The following CTNNA3 variants were observed in gnomAD, a reference collection of about 807,000 sequenced individuals.
CTNNA3 encodes catenin alpha-3.
In CTNNA3, 76 loss-of-function variants were observed where a neutral mutation model predicts 95.7. That is an observed-to-expected ratio of 0.79 (90% CI 0.66 to 0.96). CTNNA3 has a LOEUF of 0.96. CTNNA3 is among the 40% of genes least tolerant of loss of function. The probability of loss-of-function intolerance (pLI) is 0.00; values close to 1 mark genes in which losing one functional copy is unlikely to be tolerated. For synonymous variants in CTNNA3, 431 were observed against 374.4 expected, an observed-to-expected ratio of 1.15 and a Z score of -1.74; for missense variants, 1,191 against 1,089.8, an observed-to-expected ratio of 1.09 and a Z score of -1.31.
chr10:66,521,865 G>T (rs7918868), intron 10 of CTNNA3, among the ~76,000 whole-genome samples: 1,594 of 152,232 alleles, frequency 0.01, 29 homozygotes, highest in African/African-American at 0.036. Flanking sequence ...ATTCTTCAAA[G>T]AAGCAATTCA....
At chr10:67,277,115 T>C (rs1270445221) in intron 5 of CTNNA3, among the ~76,000 whole-genome samples, 2 of 152,174 alleles carry the variant, frequency 1.3e-5, no homozygotes, top group Non-Finnish European at 2.9e-5. Context: ...TGGCAATTCA[T>C]ATAATTAAGA....
At chr10:67,342,195 G>A (rs371524581) in intron 5 of CTNNA3, among the ~76,000 whole-genome samples, 2 of 138,972 alleles carry the variant, frequency 1.4e-5, no homozygotes, top group Admixed American at 8.0e-5. Flanking sequence ...TCCGCCTCCC[G>A]GGTTCATGCC....
intron 12 of CTNNA3, among the ~76,000 whole-genome samples, chr10:66,318,790 T>C (rs991272893): frequency 8.5e-5 from 13 of 152,120 alleles, no homozygotes; most frequent in African/African-American, 3.1e-4. Context: ...TGTCCCTAGA[T>C]ATTTGGTAAA....
chr10:66,591,760 C>T (rs1382889000), intron 10 of CTNNA3, among the ~76,000 whole-genome samples: 2 of 152,022 alleles, frequency 1.3e-5, no homozygotes, highest in Non-Finnish European at 2.9e-5. Flanking sequence ...TTGCTCTATA[C>T]TTTGTTAAAA....
intron 5 of CTNNA3, among the ~76,000 whole-genome samples, chr10:67,313,109 G>T (rs2448547): frequency 0.86 from 131,045 of 152,020 alleles, 58,013 homozygotes; most frequent in Non-Finnish European, 0.96. Context: ...AAATTACCAC[G>T]GCTAAACTAC....
chr10:66,704,112 T>A (rs1848041751), intron 9 of CTNNA3, among the ~76,000 whole-genome samples: 1 of 152,172 alleles, frequency 6.6e-6, no homozygotes, highest in Non-Finnish European at 1.5e-5. Context: ...ACTATTTAAA[T>A]ACACAATCAA....
At chr10:67,192,619 G>A (rs745888912) in intron 6 of CTNNA3, among the ~76,000 whole-genome samples, 3 of 151,930 alleles carry the variant, frequency 2.0e-5, no homozygotes, top group Non-Finnish European at 2.9e-5. Context: ...TTGAGACGAT[G>A]TGGAGAAAAG....
intron 6 of CTNNA3, among the ~76,000 whole-genome samples, chr10:67,192,365 T>C (rs1175548089): frequency 6.6e-6 from 1 of 151,598 alleles, no homozygotes; most frequent in Admixed American, 6.6e-5. Flanking sequence ...CAATAAGGAG[T>C]TAATATCTAA....
At chr10:66,227,285 T>G (rs966319584) in intron 13 of CTNNA3, among the ~76,000 whole-genome samples, 3 of 152,142 alleles carry the variant, frequency 2.0e-5, no homozygotes, top group African/African-American at 7.2e-5. Flanking sequence ...AAGCTTTCAG[T>G]TTTCTCCATT....
chr10:67,048,836 T>A (rs1854909963), intron 7 of CTNNA3, among the ~76,000 whole-genome samples: 1 of 152,106 alleles, frequency 6.6e-6, no homozygotes, highest in African/African-American at 2.4e-5. Flanking sequence ...GTCTCACCGT[T>A]CCCAGCTCAT....
chr10:67,052,146 A>AT (rs1207604981), intron 7 of CTNNA3, among the ~76,000 whole-genome samples: 1 of 152,138 alleles, frequency 6.6e-6, no homozygotes, highest in East Asian at 1.9e-4. Context: ...AGTTACAAGC[A>AT]TTGAGTTTTC....
chr10:66,203,148 A>T (rs1266486548), intron 13 of CTNNA3, among the ~76,000 whole-genome samples: 1 of 152,176 alleles, frequency 6.6e-6, no homozygotes, highest in African/African-American at 2.4e-5. Context: ...AGATCCAACC[A>T]TTAATGAGAA....
chr10:66,151,299 G>A (rs1443855127), intron 13 of CTNNA3, among the ~76,000 whole-genome samples: 1 of 151,886 alleles, frequency 6.6e-6, no homozygotes, highest in Non-Finnish European at 1.5e-5. Flanking sequence ...ATAAGATAAA[G>A]TTTTCACGAA....
chr10:65,930,072 G>A (rs1054710157), intron 17 of CTNNA3, among the ~76,000 whole-genome samples: 4 of 151,706 alleles, frequency 2.6e-5, no homozygotes, highest in African/African-American at 9.7e-5. Context: ...GTGTGCACAT[G>A]CATGTGCACA....
At chr10:67,040,570 A>G (rs1854329732) in intron 7 of CTNNA3, among the ~76,000 whole-genome samples, 1 of 152,092 alleles carries the variant, frequency 6.6e-6, no homozygotes, top group South Asian at 2.1e-4. Flanking sequence ...TTCTGAAAAT[A>G]TAAGATGGAA....
At chr10:67,761,440 G>T (rs1052508437) in intron 1 of CTNNA3, among the ~76,000 whole-genome samples, 2 of 152,134 alleles carry the variant, frequency 1.3e-5, no homozygotes, top group Non-Finnish European at 2.9e-5. Flanking sequence ...ACAAAGAAAT[G>T]CCATACTGCT....
At chr10:66,352,907 C>A (rs2092578039) in intron 12 of CTNNA3, among the ~76,000 whole-genome samples, 1 of 151,860 alleles carries the variant, frequency 6.6e-6, no homozygotes, top group Non-Finnish European at 1.5e-5. Context: ...TGTGGTGAAG[C>A]AGGAAGAGGA....
chr10:67,564,677 G>GTATGTGTA (rs1554854250), intron 3 of CTNNA3, among the ~76,000 whole-genome samples: 29 of 61,306 alleles, frequency 4.7e-4, no homozygotes, highest in African/African-American at 1.9e-3. Flanking sequence ...GTGTGTGTGT[G>GTATGTGTA]TATATATATA....
chr10:67,586,194 T>C (rs1842619689), intron 3 of CTNNA3, among the ~76,000 whole-genome samples: 1 of 152,056 alleles, frequency 6.6e-6, no homozygotes, highest in Admixed American at 6.5e-5. Context: ...AGATACTTGA[T>C]ATGATTTCAA....
Sources: allele counts gnomAD v4.1 joint callset (sites outside exome capture counted in the v4.1 genomes callset), GRCh38; gene constraint gnomAD v4.1.1; transcripts MANE v1.5; gene names NCBI Gene and HGNC (gene_info 2026-07-23, HGNC 2026-07-21).